SLC2A13: variants seen among roughly 807,000 people sequenced by gnomAD.
The protein encoded by SLC2A13 is solute carrier family 2 member 13.
SLC2A13 carries 32 observed loss-of-function variants against 64.4 expected under a neutral mutation model. The observed-to-expected ratio is 0.50, with a 90% CI of 0.37 to 0.67. SLC2A13 has a LOEUF of 0.67. Among genes scored for constraint, SLC2A13 ranks in the 30% least tolerant of loss-of-function variants. The pLI is 0.00. For synonymous variants in SLC2A13, 338 were observed against 327.1 expected, an observed-to-expected ratio of 1.03 and a Z score of -0.36; for missense variants, 743 against 829.2, an observed-to-expected ratio of 0.90 and a Z score of 1.28.
At position 40,013,179 on chromosome 12, in the gene SLC2A13, A is replaced by G. The variant is rs185480143; in HGVS notation, c.925+15122T>C. On this transcript the variant is annotated intron_variant, in intron 3 of 9. Coordinates refer to ENST00000280871, the MANE Select transcript of SLC2A13 (RefSeq NM_052885.4). The stretch of plus-strand genomic sequence containing the variant: ...ATCAAGTGGTCTTACAAAATGATTT[A>G]AAAAAAAAAAACCTGAGTAATATAA... Among the ~76,000 whole-genome samples the G allele has an allele frequency of 2.7e-5, 3 of 112,042 alleles. No homozygotes were observed. The Admixed American group carries it at 2.7e-4, about 10-fold the overall frequency. The allele number at this position is 112,042 out of a possible 152,430, so 73.5% of individuals were successfully genotyped here.
chr12:39,940,410 AT>A lies in SLC2A13; in HGVS notation c.1034+10846del, dbSNP rs573235150. ...TGCTATGTTTCCTGATTGCGTGGTA[AT>A]TTTTTTTTTTAATACCAGCTGTGCT... On this transcript the variant is annotated intron_variant, in intron 4 of 9. Transcript: ENST00000280871. Among the ~76,000 whole-genome samples, 1,381 of 148,058 alleles carry A rather than the reference AT, an allele frequency of 9.3e-3. 10 individuals carry two copies. Among genetic ancestry groups the A allele is most frequent in the African/African-American group, 0.03 (1,206 of 40,558 alleles).
intron 3 of SLC2A13, among the ~76,000 whole-genome samples, chr12:39,980,346 A>T (rs190376583): frequency 2.0e-5 from 3 of 152,290 alleles, no homozygotes; most frequent in African/African-American, 7.2e-5. Context: ...ATGTAAATGG[A>T]CTATATTCTC....
chr12:39,908,577 G>A (rs1945352143), intron 4 of SLC2A13, among the ~76,000 whole-genome samples: 1 of 151,890 alleles, frequency 6.6e-6, no homozygotes, highest in African/African-American at 2.4e-5. Context: ...GAGGGGAGGG[G>A]AAGAAAGCCA....
chr12:40,081,849 C>G (rs1202538418), intron 1 of SLC2A13, among the ~76,000 whole-genome samples: 1 of 152,132 alleles, frequency 6.6e-6, no homozygotes, highest in Non-Finnish European at 1.5e-5. Flanking sequence ...TCATATAGGG[C>G]TTTTTGCTTT....
chr12:39,869,693 G>A (rs1038672656), intron 5 of SLC2A13, among the ~76,000 whole-genome samples: 1 of 151,646 alleles, frequency 6.6e-6, no homozygotes, highest in East Asian at 2.0e-4. Flanking sequence ...GGATGGCTCT[G>A]GAAATCCTTG....
In SLC2A13 at chr12:40,070,842, G is replaced by A. The variant is rs1018460465; in HGVS notation, c.557-22632C>T. Among the ~76,000 whole-genome samples, 4 of 152,130 alleles carry A rather than the reference G, an allele frequency of 2.6e-5. No individual in the cohort carries two copies. In the South Asian group the frequency reaches 6.2e-4, roughly 24 times the overall value. On this transcript the variant is annotated intron_variant, in intron 1 of 9. Coordinates refer to ENST00000280871, the MANE Select transcript of SLC2A13 (RefSeq NM_052885.4). ...CTAACCACATAAAATAATAAACTCTGTTTGGCGTTTTTGTCAAAGCACTTC... is the reference window on the plus strand; with the variant it reads ...CTAACCACATAAAATAATAAACTCTATTTGGCGTTTTTGTCAAAGCACTTC...
intron 4 of SLC2A13, among the ~76,000 whole-genome samples, chr12:39,917,854 C>T (rs566008693): frequency 6.6e-6 from 1 of 152,102 alleles, no homozygotes; most frequent in South Asian, 2.1e-4. Context: ...TTCCTCTTCT[C>T]CTTTTCTCTT....
rs1005581799 is a variant in SLC2A13, at chr12:39,772,230, TC to T, written c.1446-7373del. On this transcript the variant is annotated intron_variant, in intron 7 of 9. Coordinates refer to ENST00000280871, the MANE Select transcript of SLC2A13 (RefSeq NM_052885.4). The stretch of plus-strand genomic sequence containing the variant: ...ATGTCAGACTGCATGAGTTTGTATC[TC>T]AGTTCTCTCCCTTACCAGCTTTGTA... 5.9e-4 allele frequency among the ~76,000 whole-genome samples: 90 copies of T among 152,284 alleles called. 1 individual carries two copies. Among genetic ancestry groups the T allele is most frequent in the Non-Finnish European group, 5.9e-5 (4 of 68,018 alleles).
chr12:39,862,637 C>T (rs540148521), intron 6 of SLC2A13, among the ~76,000 whole-genome samples: 2 of 152,310 alleles, frequency 1.3e-5, no homozygotes, highest in East Asian at 3.9e-4. Context: ...GTGAACTTCA[C>T]TCATCTTAAG....
chr12:39,852,474 A>G (rs1943495954), intron 6 of SLC2A13, among the ~76,000 whole-genome samples: 1 of 152,234 alleles, frequency 6.6e-6, no homozygotes, highest in Non-Finnish European at 1.5e-5. Context: ...GAGAATAAAG[A>G]GGACTTGTTC....
intron 4 of SLC2A13, among the ~76,000 whole-genome samples, chr12:39,873,174 T>C (rs1272422764): frequency 1.3e-5 from 2 of 152,148 alleles, no homozygotes; most frequent in Admixed American, 6.5e-5. Context: ...ACCAAACCTA[T>C]AAATTAACTA....
intron 2 of SLC2A13, among the ~76,000 whole-genome samples, chr12:40,040,196 A>G (rs1456184939): frequency 4.6e-5 from 7 of 152,240 alleles, no homozygotes; most frequent in Admixed American, 4.6e-4. Flanking sequence ...GTTTGTAAGT[A>G]TGTTCACTGC....
intron 2 of SLC2A13, among the ~76,000 whole-genome samples, chr12:40,040,881 A>AGTT (rs1948075323): frequency 6.6e-6 from 1 of 152,174 alleles, no homozygotes; most frequent in East Asian, 1.9e-4. Context: ...TCCAGCATAA[A>AGTT]GTTGTTTAGA....
chr12:40,024,881 G>A (rs1947779264), intron 3 of SLC2A13, among the ~76,000 whole-genome samples: 1 of 152,050 alleles, frequency 6.6e-6, no homozygotes, highest in African/African-American at 2.4e-5. Flanking sequence ...CTGAGGCGCG[G>A]CAACTCTCCC....
rs1321667159 is a variant in SLC2A13, at chr12:40,024,663, A to T, written c.925+3638T>A. 3.3e-5 allele frequency among the ~76,000 whole-genome samples: 5 copies of T among 152,194 alleles called. No individual in the cohort carries two copies. The East Asian group carries it at 9.6e-4, about 29-fold the overall frequency. On this transcript the variant is annotated intron_variant, in intron 3 of 9. Transcript: ENST00000280871. Reference sequence around the variant, plus strand: ...CATTTATTGTGTGCCTTATCCAATGAGAATGGACCAGAATCTTGTCAGTCT... The same window carrying T: ...CATTTATTGTGTGCCTTATCCAATGTGAATGGACCAGAATCTTGTCAGTCT...
chr12:40,071,367 T>C (rs1937948487), intron 1 of SLC2A13, among the ~76,000 whole-genome samples: 1 of 152,210 alleles, frequency 6.6e-6, no homozygotes, highest in Non-Finnish European at 1.5e-5. Context: ...CTTGCATACT[T>C]GGGACAAATC....
intron 6 of SLC2A13, among the ~76,000 whole-genome samples, 177 bp downstream of exon 6, chr12:39,864,585 C>T (rs1295200067): frequency 3.3e-5 from 5 of 152,182 alleles, no homozygotes; most frequent in Non-Finnish European, 7.4e-5. Flanking sequence ...CACATCTGCA[C>T]AAGCTATTCC....
chr12:40,078,585 A>T (rs998944351), intron 1 of SLC2A13, among the ~76,000 whole-genome samples: 1 of 152,116 alleles, frequency 6.6e-6, no homozygotes, highest in Non-Finnish European at 1.5e-5. Flanking sequence ...CAGGGATATT[A>T]GCCTGAAGTT....
chr12:39,985,112 G>A (rs886976280), intron 3 of SLC2A13, among the ~76,000 whole-genome samples: 1 of 152,080 alleles, frequency 6.6e-6, no homozygotes, highest in African/African-American at 2.4e-5. Flanking sequence ...CATGGTTAAT[G>A]TTCACAATCT....
Sources: gnomAD v4.1 joint callset for allele counts (sites outside exome capture counted in the v4.1 genomes callset) on GRCh38, gnomAD v4.1.1 for gene constraint, MANE v1.5 for transcripts, NCBI Gene and HGNC (gene_info 2026-07-23, HGNC 2026-07-21) for gene names.